BPIFC: variants seen among roughly 807,000 people sequenced by gnomAD.
The protein encoded by BPIFC is BPI fold-containing family C protein.
Under a neutral mutation model 57.6 loss-of-function variants are expected in BPIFC, and 60 were observed. That is an observed-to-expected ratio of 1.04 (90% CI 0.85 to 1.29). The LOEUF is 1.29. BPIFC is among the 50% of genes most tolerant of loss of function. The pLI is 0.00. For missense variants in BPIFC, 581 were observed against 600.5 expected (o/e 0.97, Z 0.34); for synonymous variants, 243 against 224.5 (o/e 1.08, Z -0.74).
chr22:32,463,804 C>G lies in BPIFC; in HGVS notation c.-89+570G>C, dbSNP rs115309813. ...CTCACATCTAGTTTTATAGCAACAT[C>G]TCTAATGACAAGGACCTTGAGAATT... On this transcript the variant is annotated intron_variant, in intron 1 of 16. Coordinates refer to ENST00000300399, the MANE Select transcript of BPIFC (RefSeq NM_174932.3). Among the ~76,000 whole-genome samples the G allele has an allele frequency of 5.3e-3, 813 of 152,294 alleles. 13 individuals carry two copies. The highest frequency in any genetic ancestry group is 0.017 in the African/African-American group (701 of 41,560).
intron 3 of BPIFC, among the ~76,000 whole-genome samples, chr22:32,456,620 T>C (rs1935045384): frequency 6.6e-6 from 1 of 152,194 alleles, no homozygotes; most frequent in South Asian, 2.1e-4. Context: ...CCTTAGCTAA[T>C]CTCAAGTAAA....
At chr22:32,462,207 G>GAAAAAAGAAAAAAAAT (rs1568964156) in intron 1 of BPIFC, among the ~76,000 whole-genome samples, 162 of 121,300 alleles carry the variant, frequency 1.3e-3, no homozygotes, top group African/African-American at 4.7e-3. Flanking sequence ...AGAAAAAAAA[G>GAAAAAAGAAAAAAAAT]AAAAAAAAAA....
intron 4 of BPIFC, 58 bp downstream of exon 4, chr22:32,453,325 C>T: frequency 4.1e-6 from 5 of 1,230,972 alleles, no homozygotes; most frequent in Non-Finnish European, 2.2e-6. Flanking sequence ...CCATAGAATT[C>T]CTCCACTGTT....
chr22:32,433,068 T>C (rs1255386820), intron 11 of BPIFC, among the ~76,000 whole-genome samples: 2 of 152,166 alleles, frequency 1.3e-5, no homozygotes, highest in Non-Finnish European at 2.9e-5. Flanking sequence ...CTGGGCATAG[T>C]GGCTTGTGCC....
At chr22:32,415,747 T>C (rs999172805) in intron 16 of BPIFC, among the ~76,000 whole-genome samples, 168 bp downstream of exon 16, 4 of 152,384 alleles carry the variant, frequency 2.6e-5, no homozygotes, top group African/African-American at 9.6e-5. Context: ...AAATATTTTC[T>C]GTTAATTGTG....
chr22:32,427,666 T>C (rs917101552), intron 13 of BPIFC, among the ~76,000 whole-genome samples: 1 of 152,032 alleles, frequency 6.6e-6, no homozygotes, highest in African/African-American at 2.4e-5. Context: ...TTTGGTTCCT[T>C]CCCCCCTCAC....
chr22:32,442,075 C>T (rs987861137), intron 8 of BPIFC, among the ~76,000 whole-genome samples: 4 of 152,126 alleles, frequency 2.6e-5, no homozygotes, highest in African/African-American at 9.7e-5. Context: ...CTGTCTGTGG[C>T]CCAGGGACTG....
chr22:32,444,042 T>C (rs564510316), intron 7 of BPIFC, among the ~76,000 whole-genome samples: 1 of 152,320 alleles, frequency 6.6e-6, no homozygotes, highest in East Asian at 1.9e-4. Flanking sequence ...TTCTTTTCTA[T>C]CTTCCAGTGG....
At chr22:32,458,735 A>G (rs911558013) in intron 2 of BPIFC, among the ~76,000 whole-genome samples, 1 of 152,144 alleles carries the variant, frequency 6.6e-6, no homozygotes, top group African/African-American at 2.4e-5. Context: ...CTTAGTATAC[A>G]CCATCCCGTA....
chr22:32,441,897 C>T (rs1934575552), intron 8 of BPIFC, among the ~76,000 whole-genome samples: 1 of 152,144 alleles, frequency 6.6e-6, no homozygotes, highest in African/African-American at 2.4e-5. Context: ...CATTAGATTC[C>T]CATAAGGCAC....
intron 13 of BPIFC, among the ~76,000 whole-genome samples, chr22:32,421,323 A>G (rs1933840682): frequency 6.6e-6 from 1 of 152,218 alleles, no homozygotes; most frequent in South Asian, 2.1e-4. Context: ...CAGAGGGAGA[A>G]ACTGAAGGTC....
At chr22:32,421,557 C>T (rs5998480) in intron 13 of BPIFC, among the ~76,000 whole-genome samples, 3,610 of 152,280 alleles carry the variant, frequency 0.024, 135 homozygotes, top group African/African-American at 0.077. Flanking sequence ...GGGGAAGCTA[C>T]GTTACAGGCA....
chr22:32,434,373 CTTTA>C (rs201596225), intron 10 of BPIFC, among the ~76,000 whole-genome samples: 1,594 of 147,202 alleles, frequency 0.011, 24 homozygotes, highest in African/African-American at 0.038. Context: ...TGTACATATT[CTTTA>C]TTTATATATA....
chr22:32,464,336 T>C (rs572774545), intron 1 of BPIFC, 38 bp downstream of exon 1: 217 of 964,566 alleles, frequency 2.2e-4, no homozygotes, highest in Non-Finnish European at 2.5e-4. Flanking sequence ...TTGGAGATCA[T>C]GGCTGGCAGA....
chr22:32,419,415 AC>A lies in BPIFC; in HGVS notation c.1218-12del, dbSNP rs774970761. The A allele has an allele frequency of 6.2e-7, 1 of 1,612,570 alleles. No homozygotes were observed. The highest frequency in any genetic ancestry group is 1.1e-5 in the South Asian group (1 of 90,946). On this transcript the variant is annotated splice_polypyrimidine_tract_variant and intron_variant, in intron 13 of 16. Transcript: ENST00000300399. Reference sequence around the variant, plus strand: ...AAAGCAAGGCGGAATCTAAAAGAAAACAAGAAAAGTTTAAAGGATTTGAAAA... The same window carrying A: ...AAAGCAAGGCGGAATCTAAAAGAAAAAAGAAAAGTTTAAAGGATTTGAAAA...
At chr22:32,419,594 A>G (rs1236677375) in intron 13 of BPIFC, among the ~76,000 whole-genome samples, 190 bp from the exon 14 acceptor site, 1 of 151,892 alleles carries the variant, frequency 6.6e-6, no homozygotes, top group Non-Finnish European at 1.5e-5. Flanking sequence ...ACTTGAGGTC[A>G]GGAATTTGAG....
intron 7 of BPIFC, 78 bp from the exon 8 acceptor site, chr22:32,442,809 G>T: frequency 1.5e-6 from 2 of 1,306,918 alleles, no homozygotes; most frequent in Non-Finnish European, 2.2e-6. Flanking sequence ...CCTAGACCCT[G>T]CAAACAAAGG....
intron 4 of BPIFC, among the ~76,000 whole-genome samples, chr22:32,448,710 C>T (rs62241179): frequency 4.6e-5 from 7 of 151,990 alleles, no homozygotes; most frequent in Non-Finnish European, 7.4e-5. Context: ...GAGGCCGAGG[C>T]GGGCAGATCA....
chr22:32,418,069 T>G (rs187262649), intron 14 of BPIFC, among the ~76,000 whole-genome samples: 1 of 152,206 alleles, frequency 6.6e-6, no homozygotes, highest in East Asian at 1.9e-4. Flanking sequence ...TTACCGTAAA[T>G]ATGAAAACAC....
Sources: allele counts gnomAD v4.1 joint callset (sites outside exome capture counted in the v4.1 genomes callset), GRCh38; gene constraint gnomAD v4.1.1; transcripts MANE v1.5; gene names NCBI Gene and HGNC (gene_info 2026-07-23, HGNC 2026-07-21).